NCKAP5: variants seen among roughly 807,000 people sequenced by gnomAD.
The protein encoded by NCKAP5 is NCK associated protein 5, also known as nck-associated protein 5.
Under a neutral mutation model 167.0 loss-of-function variants are expected in NCKAP5, and 92 were observed. The ratio of observed to expected loss-of-function variants is 0.55; its 90% CI spans 0.47 to 0.66. The LOEUF (loss-of-function observed/expected upper bound fraction) is 0.66. NCKAP5 is among the 30% of genes least tolerant of loss of function. The probability of loss-of-function intolerance (pLI) is 0.00; values close to 1 mark genes in which losing one functional copy is unlikely to be tolerated. For synonymous variants in NCKAP5, 891 were observed against 877.4 expected (o/e 1.02, Z -0.27); for missense variants, 2,378 against 2,315.0 (o/e 1.03, Z -0.56).
In NCKAP5 at chr2:133,088,248, C is replaced by T. The variant is rs183851134; in HGVS notation, c.341+41730G>A. The stretch of plus-strand genomic sequence containing the variant: ...CATAGCCCATGCTTCAGAGTTGGCA[C>T]GGGCACTAAACAAAGGCATACCTCA... On this transcript the variant is annotated intron_variant, in intron 6 of 19. Coordinates refer to ENST00000409261, the MANE Select transcript of NCKAP5 (RefSeq NM_207363.3). Among the ~76,000 whole-genome samples, 6 of 152,274 alleles carry T rather than the reference C, an allele frequency of 3.9e-5. No individual in the cohort carries two copies. In the East Asian group the frequency reaches 5.8e-4, roughly 15 times the overall value.
intron 6 of NCKAP5, among the ~76,000 whole-genome samples, chr2:133,013,483 T>G (rs1017887328): frequency 2.6e-5 from 4 of 152,138 alleles, no homozygotes; most frequent in African/African-American, 9.7e-5. Flanking sequence ...GGAGAGAGCT[T>G]GTGCAGGGAA....
At chr2:133,489,084 A>T (rs553051443) in intron 3 of NCKAP5, among the ~76,000 whole-genome samples, 2 of 152,282 alleles carry the variant, frequency 1.3e-5, no homozygotes, top group South Asian at 4.1e-4. Flanking sequence ...GGGAGACTCA[A>T]TCTCAGAAAA....
chr2:133,391,540 G>C (rs1687407886), intron 3 of NCKAP5: 2 of 152,180 alleles, frequency 1.3e-5, no homozygotes, highest in African/African-American at 4.8e-5. Flanking sequence ...ACTTCCCACT[G>C]AGTCTTCCTT....
chr2:133,485,632 T>G (rs1680840678), intron 3 of NCKAP5, among the ~76,000 whole-genome samples: 1 of 152,162 alleles, frequency 6.6e-6, no homozygotes. Flanking sequence ...AAAAAGTGTT[T>G]CATGGCCACA....
At chr2:133,234,987 T>G (rs958291899) in intron 4 of NCKAP5, among the ~76,000 whole-genome samples, 3 of 147,710 alleles carry the variant, frequency 2.0e-5, no homozygotes, top group Non-Finnish European at 4.5e-5. Flanking sequence ...GTCATAAGTC[T>G]CGACTGAGGG....
intron 19 of NCKAP5, among the ~76,000 whole-genome samples, chr2:132,708,012 CCTT>C (rs1341567508): frequency 6.6e-6 from 1 of 152,116 alleles, no homozygotes; most frequent in African/African-American, 2.4e-5. Context: ...AGATTAATCA[CCTT>C]CTGACTGAAG....
intron 3 of NCKAP5, among the ~76,000 whole-genome samples, chr2:133,486,703 T>A (rs963580208): frequency 6.6e-6 from 1 of 152,128 alleles, no homozygotes; most frequent in South Asian, 2.1e-4. Flanking sequence ...CTACAAATAT[T>A]TTTTTTCTCT....
At chr2:133,364,403 C>T (rs1574805819) in intron 3 of NCKAP5, among the ~76,000 whole-genome samples, 1 of 152,122 alleles carries the variant, frequency 6.6e-6, no homozygotes, top group Non-Finnish European at 1.5e-5. Context: ...TTTTAGACTT[C>T]AAGAAAATTT....
At chr2:133,254,476 C>G (rs760408432) in intron 4 of NCKAP5, among the ~76,000 whole-genome samples, 49 of 152,200 alleles carry the variant, frequency 3.2e-4, no homozygotes, top group Non-Finnish European at 3.8e-4. Flanking sequence ...AGAAGAACCA[C>G]CCAGCTGAGT....
chr2:133,215,152 G>A (rs562462823), intron 4 of NCKAP5, among the ~76,000 whole-genome samples: 2 of 152,266 alleles, frequency 1.3e-5, no homozygotes, highest in South Asian at 4.2e-4. Flanking sequence ...GAGTAGATAG[G>A]AAGGAGCCAC....
At chr2:133,045,953 A>C (rs866426560) in intron 6 of NCKAP5, among the ~76,000 whole-genome samples, 1 of 152,210 alleles carries the variant, frequency 6.6e-6, no homozygotes, top group African/African-American at 2.4e-5. Context: ...TGATTTGATA[A>C]GCACGTGGCT....
intron 6 of NCKAP5, among the ~76,000 whole-genome samples, chr2:133,093,049 A>T (rs992352688): frequency 6.6e-6 from 1 of 152,178 alleles, no homozygotes; most frequent in Non-Finnish European, 1.5e-5. Context: ...GTAAAATGGA[A>T]ATAATAATAA....
chr2:132,913,134 A>G (rs776081211), intron 8 of NCKAP5, among the ~76,000 whole-genome samples: 2 of 151,830 alleles, frequency 1.3e-5, no homozygotes, highest in Non-Finnish European at 2.9e-5. Flanking sequence ...TGCCCTGGTG[A>G]TCGTAGCTGA....
the NCKAP5 span, among the ~76,000 whole-genome samples, chr2:133,647,936 A>C: frequency 1.3e-5 from 2 of 152,114 alleles, no homozygotes; most frequent in Non-Finnish European, 2.9e-5. Context: ...CAATCAAAAG[A>C]TATATAGTGT....
chr2:133,355,984 G>A (rs949634648), intron 3 of NCKAP5, among the ~76,000 whole-genome samples: 3 of 152,008 alleles, frequency 2.0e-5, no homozygotes, highest in Non-Finnish European at 4.4e-5. Context: ...CTGGAGTGCA[G>A]CGGCGTGATC....
the NCKAP5 span, among the ~76,000 whole-genome samples, chr2:133,622,375 C>T: frequency 2.6e-5 from 4 of 151,998 alleles, no homozygotes; most frequent in Admixed American, 2.0e-4. Context: ...TGATTGTATA[C>T]CTAGAAAACC....
intron 19 of NCKAP5, among the ~76,000 whole-genome samples, chr2:132,685,641 A>T (rs1685829596): frequency 6.6e-6 from 1 of 152,146 alleles, no homozygotes; most frequent in South Asian, 2.1e-4. Flanking sequence ...AATGGTAATG[A>T]ATTCCCTCTT....
At chr2:133,518,441 G>A (rs994387463) in intron 2 of NCKAP5, among the ~76,000 whole-genome samples, 67 of 125,502 alleles carry the variant, frequency 5.3e-4, no homozygotes, top group East Asian at 2.2e-3. Flanking sequence ...TGCAAGCTCC[G>A]CCTCCCTGGT....
chr2:132,732,162 G>T, intron 16 of NCKAP5, 111 bp from the exon 17 acceptor site: 2 of 1,030,184 alleles, frequency 1.9e-6, no homozygotes, highest in Non-Finnish European at 2.7e-6. Context: ...CTAGAAGGGT[G>T]AATTTAAGAA....
Sources: gnomAD v4.1 joint callset for allele counts (sites outside exome capture counted in the v4.1 genomes callset) on GRCh38, gnomAD v4.1.1 for gene constraint, MANE v1.5 for transcripts, NCBI Gene and HGNC (gene_info 2026-07-23, HGNC 2026-07-21) for gene names.